Variants in LEPR observed in about 807,000 individuals in gnomAD.
LEPR encodes the protein OB receptor.
In LEPR, 56 loss-of-function variants were observed where a neutral mutation model predicts 114.7. The ratio of observed to expected loss-of-function variants is 0.49; its 90% CI spans 0.39 to 0.61. The LOEUF (loss-of-function observed/expected upper bound fraction) is 0.61. Ranked by LOEUF, LEPR falls within the 20% of genes least tolerant of loss-of-function variation. The pLI, the probability that LEPR is intolerant of heterozygous loss-of-function variation, is 0.00. For synonymous variants in LEPR, 443 were observed against 461.4 expected, an observed-to-expected ratio of 0.96 and a Z score of 0.51; for missense variants, 1,202 against 1,352.9, an observed-to-expected ratio of 0.89 and a Z score of 1.75.
intron 2 of LEPR, among the ~76,000 whole-genome samples, chr1:65,511,062 A>G (rs745973690): frequency 3.9e-5 from 6 of 152,230 alleles, no homozygotes; most frequent in African/African-American, 7.2e-5. Flanking sequence ...TTAGAGCTAA[A>G]GAAAAATTGC....
rs539582393 is a variant in LEPR, at chr1:65,465,454, C to A, written c.-21+40076C>A. 8.5e-5 allele frequency among the ~76,000 whole-genome samples: 13 copies of A among 152,220 alleles called. No individual in the cohort carries two copies. The South Asian group carries it at 2.7e-3, about 32-fold the overall frequency. ...AGTGTTTTACTACCAATTATGTGAT[C>A]AATTTTAGAATAAGTGTGATGTGGT... On this transcript the variant is annotated intron_variant, in intron 2 of 19. Transcript: ENST00000349533.
chr1:65,621,072 C>T (rs1436857469), intron 17 of LEPR, among the ~76,000 whole-genome samples: 2 of 151,668 alleles, frequency 1.3e-5, no homozygotes, highest in Non-Finnish European at 1.5e-5. Flanking sequence ...GACACTTTGG[C>T]CCATTATAAT....
intron 2 of LEPR, among the ~76,000 whole-genome samples, chr1:65,554,055 T>G (rs947111453): frequency 2.2e-4 from 33 of 152,190 alleles, no homozygotes; most frequent in African/African-American, 7.2e-4. Context: ...CAGCAAAGAT[T>G]CCTGCCTGTT....
intron 5 of LEPR, among the ~76,000 whole-genome samples, chr1:65,583,270 CA>C (rs1233774781): frequency 6.6e-6 from 1 of 152,138 alleles, no homozygotes; most frequent in Non-Finnish European, 1.5e-5. Context: ...ACTTTGAAAG[CA>C]GGAGCATACA....
intron 2 of LEPR, among the ~76,000 whole-genome samples, chr1:65,546,834 TC>T (rs1651776932): frequency 6.6e-6 from 1 of 152,182 alleles, no homozygotes; most frequent in Non-Finnish European, 1.5e-5. Context: ...GGCCAGAACT[TC>T]CAACACTATG....
intron 2 of LEPR, among the ~76,000 whole-genome samples, chr1:65,511,540 T>C (rs1254702701): frequency 6.6e-6 from 1 of 152,210 alleles, no homozygotes; most frequent in Non-Finnish European, 1.5e-5. Flanking sequence ...AATTCATCTG[T>C]GTATTCACAA....
At chr1:65,447,314 C>T (rs776338293) in intron 2 of LEPR, among the ~76,000 whole-genome samples, 2 of 151,896 alleles carry the variant, frequency 1.3e-5, no homozygotes, top group Non-Finnish European at 2.9e-5. Flanking sequence ...CCTTTCCTTC[C>T]TTCCTTGTAT....
chr1:65,525,812 G>C, intron 2 of LEPR: 1 of 986,002 alleles, frequency 1.0e-6, no homozygotes, highest in Middle Eastern at 5.2e-4. Context: ...TGGACCCCCG[G>C]ATCAAGGTGG....
At chr1:65,520,301 C>T (rs1031198228) in intron 2 of LEPR, among the ~76,000 whole-genome samples, 6 of 152,162 alleles carry the variant, frequency 3.9e-5, no homozygotes, top group Non-Finnish European at 5.9e-5. Context: ...TGGACTTAAC[C>T]GGTTTGCCCA....
intron 2 of LEPR, chr1:65,430,435 CAACT>C (rs1176192749): frequency 6.4e-6 from 1 of 156,898 alleles, no homozygotes; most frequent in Non-Finnish European, 1.4e-5. Flanking sequence ...ACTCAACTCT[CAACT>C]CAGTATAATA....
chr1:65,484,375 T>A (rs980718413), intron 2 of LEPR, among the ~76,000 whole-genome samples: 8 of 152,200 alleles, frequency 5.3e-5, no homozygotes, highest in African/African-American at 1.9e-4. Flanking sequence ...TTGTTACATA[T>A]ACATGCCTCC....
chr1:65,624,293 T>G lies in LEPR; in HGVS notation c.2673+1312T>G, dbSNP rs945809398. Among the ~76,000 whole-genome samples the G allele has an allele frequency of 2.0e-5, 3 of 152,168 alleles. No homozygotes were observed. The East Asian group carries it at 5.8e-4, about 29-fold the overall frequency. On this transcript the variant is annotated intron_variant, in intron 19 of 19. Transcript: ENST00000349533. The stretch of plus-strand genomic sequence containing the variant: ...AATTATTATTGTACATATTTATGTA[T>G]TTTATATTACTATTATTATTCTTTC...
chr1:65,584,078 T>A (rs1332655232), intron 5 of LEPR, among the ~76,000 whole-genome samples: 1 of 152,134 alleles, frequency 6.6e-6, no homozygotes, highest in African/African-American at 2.4e-5. Context: ...TCTCCTTCCC[T>A]TCTTTCCTTT....
intron 2 of LEPR, among the ~76,000 whole-genome samples, chr1:65,544,124 T>C (rs958479647): frequency 6.6e-6 from 1 of 152,084 alleles, no homozygotes; most frequent in Non-Finnish European, 1.5e-5. Context: ...CATTTGTTTG[T>C]GTCCTCTCTT....
At chr1:65,542,898 G>C (rs577337595) in intron 2 of LEPR, among the ~76,000 whole-genome samples, 2 of 151,976 alleles carry the variant, frequency 1.3e-5, no homozygotes, top group African/African-American at 4.8e-5. Context: ...AGTCTTTGCT[G>C]TTGTGAATAG....
chr1:65,511,071 G>T (rs1178095599), intron 2 of LEPR, among the ~76,000 whole-genome samples: 1 of 152,114 alleles, frequency 6.6e-6, no homozygotes, highest in African/African-American at 2.4e-5. Flanking sequence ...AAGAAAAATT[G>T]CAAAGATAGT....
At chr1:65,482,404 C>T (rs1324256157) in intron 2 of LEPR, among the ~76,000 whole-genome samples, 2 of 152,074 alleles carry the variant, frequency 1.3e-5, no homozygotes, top group Admixed American at 6.6e-5. Flanking sequence ...ATATAGATGA[C>T]TTGAGGGTCT....
rs536454930 is a variant in LEPR at position 65,616,063 on chromosome 1, A to C, written c.2051A>C (p.His684Pro). The change falls in exon 15 of 20, where the codon CAT (histidine) becomes CCT (proline). Residue 684 changes from histidine (H) to proline (P), a missense_variant. Physicochemically the swap from His to Pro is moderately conservative, Grantham distance 77 (BLOSUM62 -2). Transcript: ENST00000349533. ...GTTCAGAGATATGTGATAAACCATC[A>C]TACTTCCTGCAATGGAACATGGTCA... Reference protein sequence around the residue: ...CSVQRYVINHHTSCNGTWSED... With the variant: ...CSVQRYVINHPTSCNGTWSED... 60 of 1,614,080 alleles carry C rather than the reference A, an allele frequency of 3.7e-5. No homozygotes were observed. Among genetic ancestry groups the C allele is most frequent in the Non-Finnish European group, 5.1e-5 (60 of 1,180,030 alleles).
chr1:65,587,191 T>C (rs1361566094), intron 5 of LEPR, among the ~76,000 whole-genome samples: 1 of 152,054 alleles, frequency 6.6e-6, no homozygotes, highest in Non-Finnish European at 1.5e-5. Context: ...AGGCAAATAT[T>C]CTTGCTTTAA....
Sources: gnomAD v4.1 joint callset for allele counts (sites outside exome capture counted in the v4.1 genomes callset) on GRCh38, gnomAD v4.1.1 for gene constraint, MANE v1.5 for transcripts, NCBI Gene and HGNC (gene_info 2026-07-23, HGNC 2026-07-21) for gene names.